The following FSTL5 variants were observed in gnomAD, a reference collection of about 807,000 sequenced individuals.
FSTL5 encodes the protein follistatin-related protein 5.
FSTL5 carries 62 observed loss-of-function variants against 89.1 expected under a neutral mutation model. That is an observed-to-expected ratio of 0.70 (90% confidence interval 0.57 to 0.86). The LOEUF (loss-of-function observed/expected upper bound fraction) is 0.86. Among genes scored for constraint, FSTL5 ranks in the 40% least tolerant of loss-of-function variants. The pLI is 0.00. For synonymous variants in FSTL5, 383 were observed against 346.2 expected (o/e 1.11, Z -1.18); for missense variants, 1,057 against 1,001.6 (o/e 1.06, Z -0.75).
At chr4:161,813,362 A>T (rs952064333) in intron 4 of FSTL5, among the ~76,000 whole-genome samples, 2 of 152,080 alleles carry the variant, frequency 1.3e-5, no homozygotes, top group African/African-American at 4.8e-5. Context: ...GGCCAACTCT[A>T]TTGCCACATT....
chr4:161,643,410 A>G (rs1736034566), intron 7 of FSTL5, among the ~76,000 whole-genome samples: 1 of 151,628 alleles, frequency 6.6e-6, no homozygotes, highest in Non-Finnish European at 1.5e-5. Flanking sequence ...TCCCTTTCTG[A>G]TTATTCCATA....
chr4:161,820,837 T>C (rs1455720354), intron 4 of FSTL5, among the ~76,000 whole-genome samples: 1 of 151,936 alleles, frequency 6.6e-6, no homozygotes, highest in Non-Finnish European at 1.5e-5. Context: ...AAGATGTCAA[T>C]GATAATCTGA....
At chr4:161,481,387 T>C (rs1729501750) in intron 12 of FSTL5, among the ~76,000 whole-genome samples, 2 of 152,172 alleles carry the variant, frequency 1.3e-5, no homozygotes, top group South Asian at 4.1e-4. Context: ...TTTATGTTCT[T>C]AATTACTTAT....
At chr4:161,629,876 C>G (rs552875505) in intron 7 of FSTL5, among the ~76,000 whole-genome samples, 12 of 152,290 alleles carry the variant, frequency 7.9e-5, no homozygotes, top group African/African-American at 2.2e-4. Flanking sequence ...ATCCCCTGAA[C>G]GACAGAGTTG....
intron 1 of FSTL5, among the ~76,000 whole-genome samples, chr4:162,124,672 C>CA (rs1271363026): frequency 1.3e-5 from 2 of 152,038 alleles, no homozygotes; most frequent in African/African-American, 4.8e-5. Context: ...AAAACATACT[C>CA]AAAAGCTTCT....
At chr4:161,830,459 A>T (rs1730809675) in intron 4 of FSTL5, among the ~76,000 whole-genome samples, 1 of 152,076 alleles carries the variant, frequency 6.6e-6, no homozygotes, top group East Asian at 1.9e-4. Context: ...TTTTGATTAA[A>T]AATGAAATTA....
chr4:161,652,531 A>G (rs114040949), intron 7 of FSTL5, among the ~76,000 whole-genome samples: 1,964 of 152,274 alleles, frequency 0.013, 48 homozygotes, highest in African/African-American at 0.045. Flanking sequence ...ATAATGAGGT[A>G]ATGAGATCAT....
chr4:161,665,544 C>T (rs1460292930), intron 6 of FSTL5, among the ~76,000 whole-genome samples: 4 of 152,020 alleles, frequency 2.6e-5, no homozygotes, highest in Non-Finnish European at 4.4e-5. Flanking sequence ...AGAGAGAAAT[C>T]TTAAAATTTT....
intron 4 of FSTL5, among the ~76,000 whole-genome samples, chr4:161,860,852 T>C (rs996363203): frequency 1.3e-5 from 2 of 152,062 alleles, no homozygotes; most frequent in Non-Finnish European, 2.9e-5. Context: ...CCAAGAAATC[T>C]TGGAAAGATG....
intron 4 of FSTL5, among the ~76,000 whole-genome samples, chr4:161,808,437 T>A (rs904182629): frequency 6.6e-6 from 1 of 152,124 alleles, no homozygotes; most frequent in Non-Finnish European, 1.5e-5. Flanking sequence ...AAATAACCCG[T>A]GTCCATTAAT....
chr4:162,029,885 A>C (rs533480564), intron 3 of FSTL5, among the ~76,000 whole-genome samples: 27 of 151,588 alleles, frequency 1.8e-4, no homozygotes, highest in Non-Finnish European at 3.7e-4. Context: ...CAAAAATGGC[A>C]ATATTGATCT....
intron 3 of FSTL5, among the ~76,000 whole-genome samples, chr4:161,940,893 G>T (rs1316357696): frequency 6.6e-6 from 1 of 151,682 alleles, no homozygotes; most frequent in Non-Finnish European, 1.5e-5. Context: ...AGTATTATTG[G>T]ACTGAGAGTA....
chr4:161,680,600 T>C (rs1352709777), intron 6 of FSTL5, among the ~76,000 whole-genome samples: 2 of 152,000 alleles, frequency 1.3e-5, no homozygotes, highest in African/African-American at 4.8e-5. Context: ...TCCCAAATGA[T>C]ATGATTTATG....
chr4:161,695,425 G>GTGTGTGTGTT (rs1491160426), intron 6 of FSTL5, among the ~76,000 whole-genome samples: 1 of 742 alleles, frequency 1.3e-3, no homozygotes. Context: ...CATGGTGTAC[G>GTGTGTGTGTT]TGTGTGTGTG....
At chr4:161,846,288 A>G (rs62329204) in intron 4 of FSTL5, among the ~76,000 whole-genome samples, 1,832 of 152,284 alleles carry the variant, frequency 0.012, 25 homozygotes, top group Non-Finnish European at 0.019. Context: ...GTTCAAAATT[A>G]TGTAATTTTA....
intron 3 of FSTL5, among the ~76,000 whole-genome samples, chr4:162,001,649 T>C (rs1405034059): frequency 6.6e-6 from 1 of 150,544 alleles, no homozygotes; most frequent in Non-Finnish European, 1.5e-5. Context: ...TGTATATACA[T>C]GTGTAACATT....
chr4:161,783,511 T>G (rs911078183), intron 4 of FSTL5, among the ~76,000 whole-genome samples: 1 of 150,574 alleles, frequency 6.6e-6, no homozygotes, highest in African/African-American at 2.4e-5. Flanking sequence ...TTTCTTTCAG[T>G]GCATTATGTC....
intron 5 of FSTL5, among the ~76,000 whole-genome samples, chr4:161,760,134 C>T (rs1467268538): frequency 2.0e-5 from 3 of 152,026 alleles, no homozygotes; most frequent in Non-Finnish European, 4.4e-5. Flanking sequence ...ATTAATGCAC[C>T]GATTGATGAT....
intron 12 of FSTL5, among the ~76,000 whole-genome samples, chr4:161,498,607 T>G (rs557924446): frequency 7.9e-5 from 12 of 152,258 alleles, no homozygotes; most frequent in African/African-American, 2.9e-4. Context: ...CCAAGACATG[T>G]GTGTCGTTAG....
Sources: allele counts gnomAD v4.1 joint callset (sites outside exome capture counted in the v4.1 genomes callset), GRCh38; gene constraint gnomAD v4.1.1; transcripts MANE v1.5; gene names NCBI Gene and HGNC (gene_info 2026-07-23, HGNC 2026-07-21).